The following NFAM1 variants were observed in gnomAD, a reference collection of about 807,000 sequenced individuals.
The protein encoded by NFAM1 is NFAT activating protein with ITAM motif 1.
In NFAM1, 17 loss-of-function variants were observed where a neutral mutation model predicts 29.0. The observed-to-expected ratio is 0.59, with a 90% confidence interval of 0.40 to 0.88. NFAM1 has a LOEUF of 0.88. Among genes scored for constraint, NFAM1 ranks in the 40% least tolerant of loss-of-function variants. The pLI, the probability that NFAM1 is intolerant of heterozygous loss-of-function variation, is 0.00. For missense variants in NFAM1, 324 were observed against 344.6 expected (o/e 0.94, Z 0.47); for synonymous variants, 175 against 147.2 (o/e 1.19, Z -1.36).
intron 4 of NFAM1, among the ~76,000 whole-genome samples, chr22:42,392,508 C>T (rs537838130): frequency 2.0e-5 from 3 of 152,190 alleles, no homozygotes; most frequent in East Asian, 3.9e-4. Flanking sequence ...GCTCTGTCAA[C>T]GCTGGAGGAA....
In NFAM1 at chr22:42,409,699, C is replaced by T. The variant is rs943454016; in HGVS notation, c.452-152G>A. 8 of 412,928 alleles carry T rather than the reference C, an allele frequency of 1.9e-5. No homozygotes were observed. Among genetic ancestry groups the T allele is most frequent in the Non-Finnish European group, 3.5e-5 (8 of 231,204 alleles). The allele number at this position is 412,928 out of a possible 1,614,324, so 25.6% of individuals were successfully genotyped here. ...ACTAGGCCCCCTGGGAGCCAGGGTT[C>T]GGGCCTTCATTGTCCCCTCACTCCT... On this transcript the variant is annotated intron_variant, in intron 2 of 5. Coordinates refer to ENST00000329021, the MANE Select transcript of NFAM1 (RefSeq NM_145912.8). The surrounding 1 kb of genome is among the most constrained non-coding windows in gnomAD (Gnocchi z 4.9).
rs1051412572 is a variant in NFAM1, at chr22:42,380,671, G to A, written c.*4490C>T. 1.3e-5 allele frequency: 2 copies of A among 152,642 alleles called. No individual in the cohort carries two copies. The highest frequency in any genetic ancestry group is 4.8e-5 in the African/African-American group (2 of 41,442). The allele number at this position is 152,642 out of a possible 1,614,324, so 9.5% of individuals were successfully genotyped here. A position where few individuals can be genotyped will look rare whatever the true frequency, so the allele number is the denominator to read the frequency against. The stretch of plus-strand genomic sequence containing the variant: ...CTCAGCCTGGCTGGACTGAGCCAAC[G>A]GCCCACCTCTCCTGCATAAGCTGTC... On this transcript the variant is annotated 3_prime_UTR_variant, in exon 6 of 6. Transcript: ENST00000329021.
the NFAM1 span, among the ~76,000 whole-genome samples, chr22:42,437,857 T>G: frequency 6.6e-6 from 1 of 152,160 alleles, no homozygotes; most frequent in Non-Finnish European, 1.5e-5. Context: ...CGGAGGGCTG[T>G]CGGTACAGGG....
chr22:42,409,469 C>T lies in NFAM1; in HGVS notation c.530G>A (p.Ser177Asn). Residue 177 changes from serine (S) to asparagine (N), a missense_variant, in exon 3 of 6, where the codon AGT becomes AAT. Coordinates refer to ENST00000329021, the MANE Select transcript of NFAM1 (RefSeq NM_145912.8). The surrounding 1 kb of genome is among the most constrained non-coding windows in gnomAD (Gnocchi z 4.9). ...GAGCAGCAGGGCCGTGCCCACTACACTCAGGACACTCAGGAGGCCGGTGAA... is the reference window on the plus strand; with the variant it reads ...GAGCAGCAGGGCCGTGCCCACTACATTCAGGACACTCAGGAGGCCGGTGAA... ...FGFTGLLSVL[S>N]VVGTALLLWN... 6.4e-7 allele frequency: 1 copy of T among 1,564,902 alleles called. No homozygotes were observed. Among genetic ancestry groups the T allele is most frequent in the Non-Finnish European group, 8.7e-7 (1 of 1,154,120 alleles).
intron 1 of NFAM1, among the ~76,000 whole-genome samples, chr22:42,412,974 T>TG (rs1301826658): frequency 7.2e-5 from 11 of 152,178 alleles, no homozygotes; most frequent in Non-Finnish European, 1.6e-4. Flanking sequence ...CAGCCCTGCC[T>TG]GGGGGGCTCT....
chr22:42,415,294 CTTTTTTTTTTTT>C (rs398037250), intron 1 of NFAM1, among the ~76,000 whole-genome samples: 1 of 94,832 alleles, frequency 1.1e-5, no homozygotes, highest in Non-Finnish European at 2.0e-5. Context: ...TTCTTTCTTT[CTTTTTTTTTTTT>C]TTTTTTTTTT....
At chr22:42,425,340 C>T (rs1930590150) in intron 1 of NFAM1, among the ~76,000 whole-genome samples, 1 of 152,166 alleles carries the variant, frequency 6.6e-6, no homozygotes, top group African/African-American at 2.4e-5. Flanking sequence ...CTCTTGCTCT[C>T]GGCCTCCTTT....
At position 42,388,215 on chromosome 22, in the gene NFAM1, G is replaced by A. The variant is rs902209592; in HGVS notation, c.664-1137C>T. On this transcript the variant is annotated intron_variant, in intron 4 of 5. Coordinates refer to ENST00000329021, the MANE Select transcript of NFAM1 (RefSeq NM_145912.8). This position sits in a 1 kb window ranked among gnomAD's most constrained non-coding sequence, Gnocchi z 4.1. ...AGGTTCGAATCTCGGCTCTGACTGCGCCAGCCAAAGGCAACCCCTTAACCG... is the reference window on the plus strand; with the variant it reads ...AGGTTCGAATCTCGGCTCTGACTGCACCAGCCAAAGGCAACCCCTTAACCG... Among the ~76,000 whole-genome samples, 4 of 139,628 alleles carry A rather than the reference G, an allele frequency of 2.9e-5. No individual in the cohort carries two copies. Among genetic ancestry groups the A allele is most frequent in the African/African-American group, 8.2e-5 (3 of 36,764 alleles). 91.6% of individuals were successfully genotyped at this position (139,628 alleles called of 152,430 possible).
upstream of NFAM1, chr22:42,436,906 T>C (rs1930953974): frequency 3.4e-6 from 2 of 587,404 alleles, no homozygotes; most frequent in East Asian, 1.4e-4. Context: ...AGGGCAGATA[T>C]TATACGCCTC....
intron 3 of NFAM1, among the ~76,000 whole-genome samples, chr22:42,401,180 TG>T: frequency 6.6e-6 from 1 of 152,296 alleles, no homozygotes; most frequent in East Asian, 1.9e-4. Flanking sequence ...AGGGCCATCT[TG>T]CGCTGTCTTC....
intron 3 of NFAM1, among the ~76,000 whole-genome samples, chr22:42,406,813 C>T (rs1929914226): frequency 1.3e-5 from 2 of 152,030 alleles, no homozygotes; most frequent in African/African-American, 2.4e-5. Context: ...CTCACTCTGT[C>T]GCCCAGGCTG....
At chr22:42,414,634 C>T (rs1244026738) in intron 1 of NFAM1, among the ~76,000 whole-genome samples, 7 of 151,880 alleles carry the variant, frequency 4.6e-5, no homozygotes, top group African/African-American at 7.2e-5. Context: ...ACATCACCAC[C>T]GACCCTGCCC....
intron 4 of NFAM1, among the ~76,000 whole-genome samples, chr22:42,393,782 A>T (rs1929429182): frequency 6.6e-6 from 1 of 151,730 alleles, no homozygotes; most frequent in Admixed American, 6.6e-5. Flanking sequence ...CTCATTCAAC[A>T]GTTTTGAATG....
At chr22:42,437,379 G>C (rs140651020), upstream of NFAM1, among the ~76,000 whole-genome samples, 1,320 of 152,226 alleles carry the variant, frequency 8.7e-3, 17 homozygotes, top group African/African-American at 0.03. Flanking sequence ...CTGGCCTCAA[G>C]TGATCTGCCC....
chr22:42,409,517 G>T lies in NFAM1; in HGVS notation c.482C>A (p.Pro161Gln). 1 of 1,559,500 alleles carries T rather than the reference G, an allele frequency of 6.4e-7. No individual in the cohort carries two copies. The highest frequency in any genetic ancestry group is 8.7e-7 in the Non-Finnish European group (1 of 1,151,192). The change falls in exon 3 of 6, where the codon CCA (proline) becomes CAA (glutamine). Residue 161 changes from proline to glutamine, a missense_variant. Coordinates refer to ENST00000329021, the MANE Select transcript of NFAM1 (RefSeq NM_145912.8). This position sits in a 1 kb window ranked among gnomAD's most constrained non-coding sequence, Gnocchi z 4.9. Reference sequence around the variant, plus strand: ...GAAGCCAAAGAGCAGGAGCTTCTGTGGACTCTGCGGGGGCTCTCGGTACCC... The same window carrying T: ...GAAGCCAAAGAGCAGGAGCTTCTGTTGACTCTGCGGGGGCTCTCGGTACCC... ...DAGYREPPQSPQKLLLFGFTG... is the reference protein window; with the variant it reads ...DAGYREPPQSQQKLLLFGFTG...
At chr22:42,397,116 CG>C (rs1929556443) in intron 4 of NFAM1, among the ~76,000 whole-genome samples, 1 of 152,120 alleles carries the variant, frequency 6.6e-6, no homozygotes, top group Non-Finnish European at 1.5e-5. Context: ...ATATGTTGTT[CG>C]TGGAGCCGAA....
chr22:42,386,943 T>G, intron 5 of NFAM1, 46 bp downstream of exon 5: 1 of 1,034,794 alleles, frequency 9.7e-7, no homozygotes, highest in Admixed American at 2.5e-5. Context: ...GATGGGAGGG[T>G]CAGATGGAGC....
rs1928922187 is a variant in NFAM1, at chr22:42,380,875, G to T, written c.*4286C>A. ...ACTTGAGTTCAGGTTTGTGACACTG[G>T]GTGGCCAAAGAGCACTGCCTACCCT... On this transcript the variant is annotated 3_prime_UTR_variant, in exon 6 of 6. Transcript: ENST00000329021. 6.6e-6 allele frequency: 1 copy of T among 152,484 alleles called. No individual in the cohort carries two copies. Among genetic ancestry groups the T allele is most frequent in the Non-Finnish European group, 1.5e-5 (1 of 68,042 alleles). 9.4% of individuals were successfully genotyped at this position (152,484 alleles called of 1,614,324 possible). A position where few individuals can be genotyped will look rare whatever the true frequency, so the allele number is the denominator to read the frequency against.
chr22:42,425,179 C>T (rs8141510), intron 1 of NFAM1, among the ~76,000 whole-genome samples: 77,465 of 151,836 alleles, frequency 0.51, 22,160 homozygotes, highest in African/African-American at 0.79. Context: ...AACCTCGGCC[C>T]CCCAAAGTGC....
Sources: allele counts gnomAD v4.1 joint callset (sites outside exome capture counted in the v4.1 genomes callset), GRCh38; gene constraint gnomAD v4.1.1; non-coding constraint Gnocchi (gnomAD v3.1); transcripts MANE v1.5; gene names NCBI Gene and HGNC (gene_info 2026-07-23, HGNC 2026-07-21).